DPP10: variants seen among roughly 807,000 people sequenced by gnomAD.
DPP10 encodes inactive dipeptidyl peptidase 10.
DPP10 carries 33 observed loss-of-function variants against 120.9 expected under a neutral mutation model. The ratio of observed to expected loss-of-function variants is 0.27; its 90% CI spans 0.21 to 0.37. The LOEUF is 0.37. DPP10 is among the 10% of genes least tolerant of loss of function. The pLI is 1.00. For missense variants in DPP10, 816 were observed against 942.8 expected (o/e 0.87, Z 1.76); for synonymous variants, 337 against 326.1 (o/e 1.03, Z -0.36).
chr2:114,635,031 G>A (rs1695206900), intron 1 of DPP10, among the ~76,000 whole-genome samples: 1 of 151,774 alleles, frequency 6.6e-6, no homozygotes, highest in Admixed American at 6.6e-5. Context: ...TATTTTAGTG[G>A]AAAAGAATGT....
chr2:115,477,401 A>G (rs1558723766), intron 3 of DPP10, among the ~76,000 whole-genome samples: 1 of 152,166 alleles, frequency 6.6e-6, no homozygotes, highest in Non-Finnish European at 1.5e-5. Context: ...AAACAGTTCT[A>G]TTTGTAGTAG....
At chr2:115,121,152 A>C (rs544506436) in intron 1 of DPP10, among the ~76,000 whole-genome samples, 1 of 152,374 alleles carries the variant, frequency 6.6e-6, no homozygotes, top group South Asian at 2.1e-4. Flanking sequence ...CTAGAGGGAA[A>C]GATTAATTCA....
At chr2:115,626,929 C>A (rs1012650808) in intron 5 of DPP10, among the ~76,000 whole-genome samples, 1 of 152,034 alleles carries the variant, frequency 6.6e-6, no homozygotes, top group Non-Finnish European at 1.5e-5. Context: ...AACTGGGAAA[C>A]TTAAATGGCT....
intron 1 of DPP10, among the ~76,000 whole-genome samples, chr2:115,303,195 C>T (rs1011174186): frequency 3.3e-5 from 5 of 151,704 alleles, no homozygotes; most frequent in African/African-American, 7.2e-5. Flanking sequence ...TCAGATGACA[C>T]GAACTTAATA....
At chr2:114,455,295 A>G (rs1030529754) in intron 1 of DPP10, among the ~76,000 whole-genome samples, 5 of 152,138 alleles carry the variant, frequency 3.3e-5, no homozygotes, top group Non-Finnish European at 7.4e-5. Context: ...CTGTAATCCC[A>G]GCACTTAGGG....
chr2:114,975,069 C>T (rs1185254159), intron 1 of DPP10, among the ~76,000 whole-genome samples: 2 of 146,376 alleles, frequency 1.4e-5, no homozygotes, highest in African/African-American at 2.5e-5. Flanking sequence ...GATGGAGGTT[C>T]GCTCTTGTTG....
chr2:115,447,104 A>C (rs555814406), intron 3 of DPP10, among the ~76,000 whole-genome samples: 1 of 152,176 alleles, frequency 6.6e-6, no homozygotes, highest in South Asian at 2.1e-4. Context: ...AGGCCATGTG[A>C]ATACACCATT....
intron 1 of DPP10, among the ~76,000 whole-genome samples, chr2:114,901,152 G>C (rs2106634565): frequency 6.6e-6 from 1 of 152,150 alleles, no homozygotes; most frequent in East Asian, 1.9e-4. Flanking sequence ...CCCCAAATAA[G>C]TCAGCAGTTC....
At chr2:115,747,594 C>CTTTTTTTT (rs3980905) in intron 10 of DPP10, among the ~76,000 whole-genome samples, 12 of 141,240 alleles carry the variant, frequency 8.5e-5, no homozygotes, top group Non-Finnish European at 1.2e-4. Context: ...ATCCCCTTGT[C>CTTTTTTTT]TTTTTTTTTT....
intron 2 of DPP10, among the ~76,000 whole-genome samples, chr2:115,313,980 AAT>A (rs1474313390): frequency 6.6e-6 from 1 of 152,192 alleles, no homozygotes; most frequent in African/African-American, 2.4e-5. Flanking sequence ...ATACTCTACA[AAT>A]ATATGAGTGT....
chr2:115,789,013 G>A (rs564327840), intron 17 of DPP10, among the ~76,000 whole-genome samples: 1 of 152,150 alleles, frequency 6.6e-6, no homozygotes, highest in African/African-American at 2.4e-5. Flanking sequence ...AGCTATTCAG[G>A]AGGCTGAGGC....
At chr2:115,631,802 G>T (rs1482394676) in intron 5 of DPP10, among the ~76,000 whole-genome samples, 1 of 152,012 alleles carries the variant, frequency 6.6e-6, no homozygotes, top group Non-Finnish European at 1.5e-5. Flanking sequence ...CAGTTCTTTT[G>T]CATTTGCTGA....
chr2:115,516,882 C>T (rs577638914), intron 4 of DPP10, among the ~76,000 whole-genome samples: 1 of 152,036 alleles, frequency 6.6e-6, no homozygotes, highest in Non-Finnish European at 1.5e-5. Flanking sequence ...AGCTGCTTAA[C>T]ATAATTCACA....
intron 1 of DPP10, among the ~76,000 whole-genome samples, chr2:114,683,910 G>C (rs1042179388): frequency 6.6e-6 from 1 of 151,830 alleles, no homozygotes; most frequent in Non-Finnish European, 1.5e-5. Context: ...GTCCAAACTC[G>C]CTGTTTAAGT....
chr2:115,490,910 G>A (rs1470330466), intron 3 of DPP10, among the ~76,000 whole-genome samples: 1 of 152,116 alleles, frequency 6.6e-6, no homozygotes, highest in Non-Finnish European at 1.5e-5. Flanking sequence ...TTGAGGTCGG[G>A]AGTTTGAGAC....
At chr2:114,502,408 C>T (rs1573508226) in intron 1 of DPP10, among the ~76,000 whole-genome samples, 1 of 152,114 alleles carries the variant, frequency 6.6e-6, no homozygotes, top group African/African-American at 2.4e-5. Context: ...AGTTCATGAA[C>T]ATATCCCCTT....
At chr2:114,643,899 G>GTGTATATATATA (rs1695904558) in intron 1 of DPP10, among the ~76,000 whole-genome samples, 1 of 146,892 alleles carries the variant, frequency 6.8e-6, no homozygotes, top group African/African-American at 2.5e-5. Flanking sequence ...GTGTGTATGT[G>GTGTATATATATA]TGTATATATA....
intron 1 of DPP10, among the ~76,000 whole-genome samples, chr2:115,106,889 C>A (rs188223419): frequency 0.025 from 3,835 of 152,122 alleles, 74 homozygotes; most frequent in Middle Eastern, 0.037. Context: ...TCCTGGCCAA[C>A]AAGGTGAAAC....
intron 1 of DPP10, among the ~76,000 whole-genome samples, chr2:115,125,250 A>G: frequency 6.6e-6 from 1 of 152,214 alleles, no homozygotes; most frequent in East Asian, 1.9e-4. Flanking sequence ...TATTTCTTCT[A>G]TCTCATCTTG....
Sources: gnomAD v4.1 joint callset for allele counts (sites outside exome capture counted in the v4.1 genomes callset) on GRCh38, gnomAD v4.1.1 for gene constraint, MANE v1.5 for transcripts, NCBI Gene and HGNC (gene_info 2026-07-23, HGNC 2026-07-21) for gene names.